JAKMIP2: variants seen among roughly 807,000 people sequenced by gnomAD.
JAKMIP2 encodes the protein janus kinase and microtubule-interacting protein 2.
Under a neutral mutation model 115.0 loss-of-function variants are expected in JAKMIP2, and 25 were observed. The ratio of observed to expected loss-of-function variants is 0.22; its 90% confidence interval spans 0.16 to 0.30. The LOEUF is 0.30. Ranked by LOEUF, JAKMIP2 falls within the 10% of genes least tolerant of loss-of-function variation. JAKMIP2 has a pLI of 1.00. For missense variants in JAKMIP2, 642 were observed against 957.6 expected, an observed-to-expected ratio of 0.67 and a Z score of 4.35; for synonymous variants, 334 against 343.6, an observed-to-expected ratio of 0.97 and a Z score of 0.31.
chr5:147,622,801 C>A (rs1240738401), intron 17 of JAKMIP2, among the ~76,000 whole-genome samples: 2 of 152,140 alleles, frequency 1.3e-5, no homozygotes, highest in African/African-American at 4.8e-5. Context: ...CATAGTAATT[C>A]TATTTTGATT....
At chr5:147,667,378 C>A (rs988070937) in intron 2 of JAKMIP2, among the ~76,000 whole-genome samples, 1 of 152,214 alleles carries the variant, frequency 6.6e-6, no homozygotes, top group African/African-American at 2.4e-5. Flanking sequence ...TTCTGTCCTA[C>A]TTCTGGTCTA....
At chr5:147,762,270 G>T (rs1255646702) in intron 1 of JAKMIP2, among the ~76,000 whole-genome samples, 1 of 151,994 alleles carries the variant, frequency 6.6e-6, no homozygotes. Flanking sequence ...CAATAAACAT[G>T]ATGCAAACCC....
At chr5:147,625,359 A>C (rs1450519331) in intron 16 of JAKMIP2, among the ~76,000 whole-genome samples, 2 of 152,166 alleles carry the variant, frequency 1.3e-5, no homozygotes, top group South Asian at 4.1e-4. Context: ...CTTGATACTT[A>C]CAAGGGGATA....
intron 21 of JAKMIP2, among the ~76,000 whole-genome samples, chr5:147,594,031 G>A (rs991224160): frequency 1.3e-5 from 2 of 152,052 alleles, no homozygotes; most frequent in African/African-American, 2.4e-5. Context: ...TATCACAACC[G>A]AGGTAAAACC....
intron 3 of JAKMIP2, among the ~76,000 whole-genome samples, chr5:147,656,960 A>C (rs1411627143): frequency 6.6e-6 from 1 of 152,156 alleles, no homozygotes; most frequent in Non-Finnish European, 1.5e-5. Flanking sequence ...TGGATATGAA[A>C]TTCTGGGTTG....
At chr5:147,658,214 C>CT (rs1202380098) in intron 3 of JAKMIP2, among the ~76,000 whole-genome samples, 1 of 152,076 alleles carries the variant, frequency 6.6e-6, no homozygotes, top group Non-Finnish European at 1.5e-5. Context: ...GTTGTTGCTG[C>CT]TTTTTTAGTT....
intron 18 of JAKMIP2, among the ~76,000 whole-genome samples, chr5:147,618,321 C>A (rs1341643725): frequency 6.6e-6 from 1 of 152,190 alleles, no homozygotes; most frequent in Non-Finnish European, 1.5e-5. Flanking sequence ...CTAGCCAATT[C>A]ATGAACTTCT....
intron 18 of JAKMIP2, among the ~76,000 whole-genome samples, chr5:147,620,379 G>A (rs73268113): frequency 0.049 from 7,444 of 152,216 alleles, 592 homozygotes; most frequent in African/African-American, 0.17. Context: ...TTTCCCAAAA[G>A]TGCTGGGATT....
At chr5:147,758,405 T>C (rs942531697) in intron 1 of JAKMIP2, among the ~76,000 whole-genome samples, 4 of 152,002 alleles carry the variant, frequency 2.6e-5, no homozygotes, top group Non-Finnish European at 5.9e-5. Context: ...CAAAGAAAAA[T>C]AATTTGGAAA....
chr5:147,651,962 T>A (rs1561515457), intron 3 of JAKMIP2, among the ~76,000 whole-genome samples: 1 of 152,224 alleles, frequency 6.6e-6, no homozygotes, highest in Non-Finnish European at 1.5e-5. Flanking sequence ...CTCTAGTTAC[T>A]TTTCATGAGT....
rs1167230194 is a variant in JAKMIP2, at chr5:147,640,908, G to C, written c.1282-85C>G. On this transcript the variant is annotated intron_variant, in intron 8 of 21. Transcript: ENST00000616793. ...TAAAATACTGTCAACTGGCATACGT[G>C]TAAGTGAATATAGAAGACATGGATC... 4 of 1,213,712 alleles carry C rather than the reference G, an allele frequency of 3.3e-6. No homozygotes were observed. The East Asian group carries it at 9.5e-5, about 29-fold the overall frequency. 75.2% of individuals were successfully genotyped at this position (1,213,712 alleles called of 1,614,324 possible).
At chr5:147,677,921 G>A (rs1424374505) in intron 1 of JAKMIP2, among the ~76,000 whole-genome samples, 1 of 152,048 alleles carries the variant, frequency 6.6e-6, no homozygotes, top group Non-Finnish European at 1.5e-5. Flanking sequence ...TCTCCATCCA[G>A]ACTTACTCCT....
chr5:147,777,869 A>G (rs896770305), intron 1 of JAKMIP2, among the ~76,000 whole-genome samples: 1 of 152,208 alleles, frequency 6.6e-6, no homozygotes, highest in Non-Finnish European at 1.5e-5. Context: ...CCAGAAAATT[A>G]GAATATTTGA....
intron 16 of JAKMIP2, among the ~76,000 whole-genome samples, chr5:147,626,421 C>CTA (rs1469431567): frequency 6.6e-6 from 1 of 152,190 alleles, no homozygotes; most frequent in Non-Finnish European, 1.5e-5. Context: ...TCTGCAAAGC[C>CTA]TATTTCCCAC....
At chr5:147,702,656 GAAA>G (rs1561547662) in intron 1 of JAKMIP2, among the ~76,000 whole-genome samples, 2 of 116,218 alleles carry the variant, frequency 1.7e-5, no homozygotes, top group South Asian at 2.8e-4. Flanking sequence ...AAGAAAGAAA[GAAA>G]GAAAGAGAGA....
intron 12 of JAKMIP2, among the ~76,000 whole-genome samples, chr5:147,634,578 C>T (rs17106977): frequency 0.24 from 36,490 of 152,022 alleles, 5,638 homozygotes; most frequent in East Asian, 0.5. Flanking sequence ...TAGTGGTTAA[C>T]GAAACAATTA....
intron 3 of JAKMIP2, among the ~76,000 whole-genome samples, chr5:147,652,126 A>C (rs1250107907): frequency 6.6e-6 from 1 of 152,134 alleles, no homozygotes; most frequent in Non-Finnish European, 1.5e-5. Flanking sequence ...TCAGAGCTTA[A>C]TATGCCTTAT....
Position 147,654,193 on chromosome 5 carries a change from G to C in JAKMIP2, c.628-3646C>G, listed in dbSNP as rs150403025. Among the ~76,000 whole-genome samples the C allele has an allele frequency of 1.3e-3, 200 of 151,482 alleles. 4 individuals are homozygous for C. In the East Asian group the frequency reaches 0.034, roughly 26 times the overall value. ...TGCTTAGGACTGTGTTGGCTATATG[G>C]GCTCTTTTTGGTTCCATATGAAATT... On this transcript the variant is annotated intron_variant, in intron 3 of 21. Transcript: ENST00000616793.
At chr5:147,751,256 G>GTTTTTTTTTTTTTTTTT (rs59032563) in intron 1 of JAKMIP2, among the ~76,000 whole-genome samples, 3 of 131,600 alleles carry the variant, frequency 2.3e-5, no homozygotes, top group East Asian at 4.7e-4. Context: ...TTTTGTTGTT[G>GTTTTTTTTTTTTTTTTT]TTTTTTTTTT....
Sources: allele counts gnomAD v4.1 joint callset (sites outside exome capture counted in the v4.1 genomes callset), GRCh38; gene constraint gnomAD v4.1.1; transcripts MANE v1.5; gene names NCBI Gene and HGNC (gene_info 2026-07-23, HGNC 2026-07-21).